Variants in PHF6 observed in about 807,000 individuals in gnomAD.
PHF6 encodes PHD finger protein 6, also known as PHD-like zinc finger protein.
A neutral mutation model predicts 34.0 loss-of-function variants in PHF6; 7 were observed. That is an observed-to-expected ratio of 0.21 (90% confidence interval 0.12 to 0.39). PHF6 has a LOEUF of 0.39. Ranked by LOEUF, PHF6 falls within the 10% of genes least tolerant of loss-of-function variation. The probability of loss-of-function intolerance (pLI) is 1.00; values close to 1 mark genes in which losing one functional copy is unlikely to be tolerated. For synonymous variants in PHF6, 89 were observed against 88.4 expected, an observed-to-expected ratio of 1.01 and a Z score of -0.04; for missense variants, 128 against 262.8, an observed-to-expected ratio of 0.49 and a Z score of 3.55.
At chrX:134,412,372 A>G (rs2077454562) in intron 5 of PHF6, among the ~76,000 whole-genome samples, 1 of 111,919 alleles carries the variant, frequency 8.9e-6, no homozygotes, top group South Asian at 3.6e-4. Flanking sequence ...CAAGTATACC[A>G]ACTGAATTGC....
intron 5 of PHF6, among the ~76,000 whole-genome samples, chrX:134,403,939 A>C (rs963727284): frequency 7.1e-5 from 8 of 112,015 alleles, no homozygotes; most frequent in Non-Finnish European, 3.8e-5. Flanking sequence ...GCTTATTGAC[A>C]ATGCATCTGG....
rs1159387554 is a variant in PHF6 at position 134,426,475 on chromosome X, C to G, written c.*815C>G. On this transcript the variant is annotated 3_prime_UTR_variant, in exon 11 of 11. Coordinates refer to ENST00000370803, the MANE Select transcript of PHF6 (RefSeq NM_001015877.2). ...CACCATGTCCGAAACCTGTTCCTCT[C>G]AAGTGCCCTGTTGTGTGGAACACTT... 1 of 162,526 alleles carries G rather than the reference C, an allele frequency of 6.2e-6. No individual in the cohort carries two copies. The highest frequency in any genetic ancestry group is 3.0e-5 in the African/African-American group (1 of 33,449). The allele number at this position is 162,526 out of a possible 1,213,427, so 13.4% of individuals were successfully genotyped here.
intron 5 of PHF6, among the ~76,000 whole-genome samples, chrX:134,399,646 CT>C (rs1249790805): frequency 1.9e-5 from 2 of 104,636 alleles, no homozygotes; most frequent in African/African-American, 7.1e-5. Flanking sequence ...TCCCCAACCC[CT>C]AACATACACA....
intron 7 of PHF6, 139 bp from the exon 8 acceptor site, chrX:134,414,877 A>C (rs2077466510): frequency 3.9e-6 from 2 of 510,653 alleles, no homozygotes; most frequent in Non-Finnish European, 6.4e-6. Context: ...AAATATATTA[A>C]AAATATTTGA....
At chrX:134,400,147 C>T (rs749456026) in intron 5 of PHF6, among the ~76,000 whole-genome samples, 2 of 111,453 alleles carry the variant, frequency 1.8e-5, no homozygotes, top group South Asian at 3.8e-4. Flanking sequence ...GGCTCAATCA[C>T]GGCTTACTGC....
chrX:134,410,671 A>G (rs6634979), intron 5 of PHF6, among the ~76,000 whole-genome samples: 12,983 of 100,988 alleles, frequency 0.13, 703 homozygotes, highest in East Asian at 0.23. Flanking sequence ...TTTTTGAGAC[A>G]GAGTCTTGCT....
Position 134,428,445 on chromosome X carries a change from C to T in PHF6, c.*2785C>T, listed in dbSNP as rs1400746309. 1.3e-5 allele frequency: 2 copies of T among 157,352 alleles called. No individual in the cohort carries two copies. Among genetic ancestry groups the T allele is most frequent in the African/African-American group, 3.0e-5 (1 of 32,971 alleles). The allele number at this position is 157,352 out of a possible 1,213,427, so 13.0% of individuals were successfully genotyped here. ...TGCTACTCAAGATATTAAGAGATAACAAGATCTGTAGATCTGCTATTGAAT... is the reference window on the plus strand; with the variant it reads ...TGCTACTCAAGATATTAAGAGATAATAAGATCTGTAGATCTGCTATTGAAT... On this transcript the variant is annotated 3_prime_UTR_variant, in exon 11 of 11. Coordinates refer to ENST00000370803, the MANE Select transcript of PHF6 (RefSeq NM_001015877.2).
intron 5 of PHF6, among the ~76,000 whole-genome samples, chrX:134,405,201 T>C (rs989761649): frequency 9.0e-6 from 1 of 111,652 alleles, no homozygotes; most frequent in African/African-American, 3.3e-5. Flanking sequence ...CATGTAAAAC[T>C]GACTCCATAT....
At chrX:134,392,631 A>G (rs1240110629) in intron 3 of PHF6, among the ~76,000 whole-genome samples, 2 of 111,706 alleles carry the variant, frequency 1.8e-5, no homozygotes, top group Admixed American at 1.9e-4. Flanking sequence ...GCATATTTTC[A>G]TAATATAATC....
At chrX:134,382,912 G>C (rs1292831006) in intron 3 of PHF6, among the ~76,000 whole-genome samples, 1 of 110,067 alleles carries the variant, frequency 9.1e-6, no homozygotes, top group Non-Finnish European at 1.9e-5. Flanking sequence ...TAGTTCACCT[G>C]TCTTACCCCT....
intron 3 of PHF6, among the ~76,000 whole-genome samples, chrX:134,387,649 C>T (rs1176968844): frequency 4.5e-5 from 5 of 112,028 alleles, no homozygotes; most frequent in African/African-American, 6.5e-5. Context: ...AATCATGATG[C>T]AGAAAGTCAG....
chrX:134,394,133 C>CTT (rs1158831168), intron 5 of PHF6, among the ~76,000 whole-genome samples, 181 bp downstream of exon 5: 4 of 100,877 alleles, frequency 4.0e-5, no homozygotes, highest in East Asian at 3.1e-4. Context: ...ATCTGAACTT[C>CTT]TTTTTTTTTT....
intron 3 of PHF6, among the ~76,000 whole-genome samples, chrX:134,385,403 T>C (rs2077327556): frequency 8.9e-6 from 1 of 112,204 alleles, no homozygotes; most frequent in South Asian, 3.7e-4. Flanking sequence ...TTGTTGACTC[T>C]GGGAGAGTAA....
chrX:134,414,627 T>A (rs2077464783), intron 7 of PHF6, among the ~76,000 whole-genome samples: 1 of 108,466 alleles, frequency 9.2e-6, no homozygotes, highest in Non-Finnish European at 1.9e-5. Flanking sequence ...GGAATAGATC[T>A]CGTATATGTC....
At chrX:134,404,891 C>T (rs1310945462) in intron 5 of PHF6, among the ~76,000 whole-genome samples, 3 of 111,802 alleles carry the variant, frequency 2.7e-5, no homozygotes, top group Non-Finnish European at 5.6e-5. Context: ...TGCTATTATA[C>T]ACTTAGTAGA....
chrX:134,404,721 C>T (rs746887734), intron 5 of PHF6, among the ~76,000 whole-genome samples: 2 of 111,964 alleles, frequency 1.8e-5, no homozygotes, highest in African/African-American at 6.5e-5. Context: ...CCCCATCCTT[C>T]AGCCATCCAC....
rs1419243151 is a variant in PHF6 at position 134,413,501 on chromosome X, A to G, written c.429A>G (p.Glu143=). ...TTCATTTTTAAGCAGCTGATTTAGA[A>G]GAAAGTTTTAATGAACATGAACTGG... ...KTAHNSEADL[E]ESFNEHELEP... The change falls in exon 6 of 11, where the codon GAA becomes GAG. Residue 143 remains glutamate (E), a synonymous_variant. Coordinates refer to ENST00000370803, the MANE Select transcript of PHF6 (RefSeq NM_001015877.2). 1 of 1,208,962 alleles carries G rather than the reference A, an allele frequency of 8.3e-7. No homozygotes were observed. Among genetic ancestry groups the G allele is most frequent in the African/African-American group, 1.8e-5 (1 of 57,084 alleles).
At chrX:134,399,169 C>G (rs2077390796) in intron 5 of PHF6, among the ~76,000 whole-genome samples, 1 of 111,614 alleles carries the variant, frequency 9.0e-6, no homozygotes, top group African/African-American at 3.3e-5. Flanking sequence ...AAATGGTCAA[C>G]TTCGTGGGCT....
intron 3 of PHF6, among the ~76,000 whole-genome samples, chrX:134,379,432 CTTTTTTTTTT>C (rs34099570): frequency 1.9e-4 from 5 of 26,277 alleles, no homozygotes; most frequent in South Asian, 4.1e-3. Context: ...CTTTTCTTTT[CTTTTTTTTTT>C]TTTTTTTTTT....
Sources: allele counts gnomAD v4.1 joint callset (sites outside exome capture counted in the v4.1 genomes callset), GRCh38; gene constraint gnomAD v4.1.1; transcripts MANE v1.5; gene names NCBI Gene and HGNC (gene_info 2026-07-23, HGNC 2026-07-21).